The following ZNF708 variants were observed in gnomAD, a reference collection of about 807,000 sequenced individuals.
ZNF708 encodes zinc finger protein 708.
A neutral mutation model predicts 47.0 loss-of-function variants in ZNF708; 44 were observed. The observed-to-expected ratio is 0.94, with a 90% confidence interval of 0.74 to 1.20. ZNF708 has a LOEUF of 1.20. Ranked by LOEUF, ZNF708 falls within the 50% of genes most tolerant of loss-of-function variation. The probability of loss-of-function intolerance (pLI) is 0.00; values close to 1 mark genes in which losing one functional copy is unlikely to be tolerated. For synonymous variants in ZNF708, 184 were observed against 218.5 expected (o/e 0.84, Z 1.39); for missense variants, 557 against 656.0 (o/e 0.85, Z 1.65).
At position 21,294,517 on chromosome 19, in the gene ZNF708, T is replaced by C. The variant is rs1444520616; in HGVS notation, c.449A>G (p.His150Arg). 6.2e-7 allele frequency: 1 copy of C among 1,614,188 alleles called. No individual in the cohort carries two copies. The highest frequency in any genetic ancestry group is 8.5e-7 in the Non-Finnish European group (1 of 1,180,004). ...VQCDKYVKVFHKYSNAKRHKI... is the reference protein window; with the variant it reads ...VQCDKYVKVFRKYSNAKRHKI... Reference sequence around the variant, plus strand: ...ATGTCTCTTTGCATTTGAATATTTATGAAAGACTTTCACGTATTTGTCACA... The same window carrying C: ...ATGTCTCTTTGCATTTGAATATTTACGAAAGACTTTCACGTATTTGTCACA... Residue 150 changes from histidine (H) to arginine (R), a missense_variant, in exon 4 of 4, where the codon CAT becomes CGT. His to Arg is a conservative substitution (Grantham distance 29). Transcript: ENST00000356929.
intron 1 of ZNF708, among the ~76,000 whole-genome samples, chr19:21,326,568 G>A (rs1048443892): frequency 3.9e-5 from 6 of 152,162 alleles, no homozygotes; most frequent in Non-Finnish European, 5.9e-5. Flanking sequence ...AAGAGTGGAA[G>A]GGGGACGAGG....
At position 21,307,155 on chromosome 19, in the gene ZNF708, T is replaced by A. The variant is rs750344126; in HGVS notation, c.226+2091A>T. On this transcript the variant is annotated intron_variant, in intron 3 of 3. Transcript: ENST00000356929. The stretch of plus-strand genomic sequence containing the variant: ...AAATAAAATAAAATAAAATAAAATA[T>A]AATATAAAATAAAATAAAATAAAAT... Among the ~76,000 whole-genome samples, 380 of 88,498 alleles carry A rather than the reference T, an allele frequency of 4.3e-3. 4 individuals are homozygous for A. Among genetic ancestry groups the A allele is most frequent in the South Asian group, 0.026 (61 of 2,324 alleles). 58.1% of individuals were successfully genotyped at this position (88,498 alleles called of 152,430 possible). A position where few individuals can be genotyped will look rare whatever the true frequency, so the allele number is the denominator to read the frequency against.
At chr19:21,322,294 T>A (rs1237366968) in intron 1 of ZNF708, among the ~76,000 whole-genome samples, 1 of 150,616 alleles carries the variant, frequency 6.6e-6, no homozygotes, top group Admixed American at 6.6e-5. Context: ...TCTTTTTTTT[T>A]CTTTCTTTCC....
rs764138097 is a variant in ZNF708 at position 21,321,105 on chromosome 19, C to CA, written c.3+8104dup. On this transcript the variant is annotated intron_variant, in intron 1 of 3. Coordinates refer to ENST00000356929, the MANE Select transcript of ZNF708 (RefSeq NM_021269.3). The stretch of plus-strand genomic sequence containing the variant: ...GCAGTGAGCAGAGATCGTGCCACTG[C>CA]ACTCCAGCCTGGGAGACAGTGAGAC... 9.9e-5 allele frequency among the ~76,000 whole-genome samples: 15 copies of CA among 152,100 alleles called. No homozygotes were observed. In the South Asian group the frequency reaches 2.1e-3, roughly 21 times the overall value.
rs1193642888 is a variant in ZNF708 at position 21,293,238 on chromosome 19, A to C, written c.*36T>G. 2 of 1,575,206 alleles carry C rather than the reference A, an allele frequency of 1.3e-6. No individual in the cohort carries two copies. Among genetic ancestry groups the C allele is most frequent in the Non-Finnish European group, 8.6e-7 (1 of 1,161,082 alleles). On this transcript the variant is annotated 3_prime_UTR_variant, in exon 4 of 4. Coordinates refer to ENST00000356929, the MANE Select transcript of ZNF708 (RefSeq NM_021269.3). ...TCCAGTATGAATTATCTTGTGTTTT[A>C]ATAAAAGTTGAAAATACACTAAAGG...
At chr19:21,326,288 C>T (rs1216923613) in intron 1 of ZNF708, among the ~76,000 whole-genome samples, 1 of 152,154 alleles carries the variant, frequency 6.6e-6, no homozygotes, top group Non-Finnish European at 1.5e-5. Flanking sequence ...GCACATTTCA[C>T]AATAGCAAAA....
intron 1 of ZNF708, among the ~76,000 whole-genome samples, chr19:21,323,435 T>C (rs1973193516): frequency 6.6e-6 from 1 of 152,238 alleles, no homozygotes; most frequent in Admixed American, 6.5e-5. Flanking sequence ...AAACATTCTC[T>C]GATCTAAAAT....
chr19:21,310,612 TA>T lies in ZNF708; in HGVS notation c.18del (p.Phe6LeufsTer6). 1.3e-6 allele frequency: 2 copies of T among 1,539,426 alleles called. No homozygotes were observed. Among genetic ancestry groups the T allele is most frequent in the South Asian group, 2.5e-5 (2 of 79,226 alleles). On this transcript the variant is annotated frameshift_variant, in exon 2 of 4. Transcript: ENST00000356929. LOFTEE classifies it high-confidence loss of function. MGPLT[F>X]MDVAIEFSLE... ...AGAGAGAATTCTATGGCCACATCCA[TA>T]AATGTCAATGGTCCCTGAAAAACAC...
chr19:21,325,260 C>T (rs955923549), intron 1 of ZNF708, among the ~76,000 whole-genome samples: 1 of 152,096 alleles, frequency 6.6e-6, no homozygotes, highest in Non-Finnish European at 1.5e-5. Context: ...GTAGCCAAAA[C>T]AAGGCTAAGC....
intron 2 of ZNF708, among the ~76,000 whole-genome samples, chr19:21,309,792 T>C (rs1161464938): frequency 6.6e-6 from 1 of 152,230 alleles, no homozygotes; most frequent in Admixed American, 6.5e-5. Context: ...AATCACAAAA[T>C]ACTAACTTAT....
At chr19:21,320,098 C>T (rs949656610) in intron 1 of ZNF708, among the ~76,000 whole-genome samples, 2 of 152,016 alleles carry the variant, frequency 1.3e-5, no homozygotes, top group Non-Finnish European at 1.5e-5. Context: ...ATCGCTTGAA[C>T]CTGGAAGGCA....
At chr19:21,315,970 A>G (rs2968061) in intron 1 of ZNF708, among the ~76,000 whole-genome samples, 11 of 151,322 alleles carry the variant, frequency 7.3e-5, no homozygotes, top group African/African-American at 2.4e-4. Context: ...CTGAGAGGCC[A>G]AGACAGGAGA....
chr19:21,294,882 C>A, intron 3 of ZNF708, 143 bp from the exon 4 acceptor site: 1 of 833,612 alleles, frequency 1.2e-6, no homozygotes, highest in Non-Finnish European at 1.7e-6. Flanking sequence ...ATAAATGTAA[C>A]AAAAGCATTC....
At position 21,291,612 on chromosome 19, in the gene ZNF708, A is replaced by G. The variant is rs1333901817; in HGVS notation, c.*1662T>C. On this transcript the variant is annotated 3_prime_UTR_variant, in exon 4 of 4. Coordinates refer to ENST00000356929, the MANE Select transcript of ZNF708 (RefSeq NM_021269.3). ...CCGGGCGCTGTGGCTTAAGCCTGTA[A>G]TCACAGCACTTTGGGAAGCCAAGCT... 1 of 152,122 alleles carries G rather than the reference A, an allele frequency of 6.6e-6. No individual in the cohort carries two copies. The highest frequency in any genetic ancestry group is 2.4e-5 in the African/African-American group (1 of 41,442). 9.4% of individuals were successfully genotyped at this position (152,122 alleles called of 1,614,324 possible). A position where few individuals can be genotyped will look rare whatever the true frequency, so the allele number is the denominator to read the frequency against.
At chr19:21,299,769 T>A (rs904485576) in intron 3 of ZNF708, among the ~76,000 whole-genome samples, 27 of 136,572 alleles carry the variant, frequency 2.0e-4, no homozygotes, top group Non-Finnish European at 3.7e-4. Flanking sequence ...TGAGACTCCA[T>A]CTCAAAAAAA....
At position 21,304,316 on chromosome 19, in the gene ZNF708, T is replaced by C. The variant is rs1972718701; in HGVS notation, c.226+4930A>G. 2.0e-5 allele frequency among the ~76,000 whole-genome samples: 3 copies of C among 152,094 alleles called. No homozygotes were observed. The South Asian group carries it at 6.2e-4, about 32-fold the overall frequency. On this transcript the variant is annotated intron_variant, in intron 3 of 3. Transcript: ENST00000356929. Reference sequence around the variant, plus strand: ...TTTGAATCAATAGAGCGTAACCTTTTTGATTATCAAAAGGATGGTGCCAAA... The same window carrying C: ...TTTGAATCAATAGAGCGTAACCTTTCTGATTATCAAAAGGATGGTGCCAAA...
rs994768435 is a variant in ZNF708, at chr19:21,291,518, T to C, written c.*1756A>G. The C allele has an allele frequency of 6.6e-6, 1 of 151,982 alleles. No individual in the cohort carries two copies. The highest frequency in any genetic ancestry group is 2.4e-5 in the African/African-American group (1 of 41,364). The allele number at this position is 151,982 out of a possible 1,614,324, so 9.4% of individuals were successfully genotyped here. On this transcript the variant is annotated 3_prime_UTR_variant, in exon 4 of 4. Transcript: ENST00000356929. ...GAAATAGCATCAAGTAACTAGAGAG[T>C]TGAATCACAGCAATATTAGCTTTTT...
At chr19:21,326,859 G>A (rs981308501) in intron 1 of ZNF708, among the ~76,000 whole-genome samples, 13 of 152,156 alleles carry the variant, frequency 8.5e-5, no homozygotes, top group African/African-American at 2.4e-4. Context: ...GCTTGAACCC[G>A]GGAGGCAGAG....
At chr19:21,319,804 G>C (rs896627166) in intron 1 of ZNF708, among the ~76,000 whole-genome samples, 1 of 152,182 alleles carries the variant, frequency 6.6e-6, no homozygotes, top group Non-Finnish European at 1.5e-5. Context: ...GTCAGCAATA[G>C]ATGCTGGCAA....
Sources: gnomAD v4.1 joint callset for allele counts (sites outside exome capture counted in the v4.1 genomes callset) on GRCh38, gnomAD v4.1.1 for gene constraint, MANE v1.5 for transcripts, NCBI Gene and HGNC (gene_info 2026-07-23, HGNC 2026-07-21) for gene names.